Variants in CCDC125 observed in about 807,000 individuals in gnomAD.
CCDC125 encodes coiled-coil domain containing 125, also known as coiled-coil domain-containing protein 125.
A neutral mutation model predicts 57.4 loss-of-function variants in CCDC125; 43 were observed. That is an observed-to-expected ratio of 0.75 (90% CI 0.59 to 0.97). The LOEUF (loss-of-function observed/expected upper bound fraction) is 0.97, where lower values mean the gene tolerates loss of function less well. Among genes scored for constraint, CCDC125 ranks in the 50% least tolerant of loss-of-function variants. CCDC125 has a pLI of 0.00. For synonymous variants in CCDC125, 187 were observed against 195.2 expected (o/e 0.96, Z 0.35); for missense variants, 563 against 595.7 (o/e 0.95, Z 0.57).
At chr5:69,276,325 G>A (rs79535036), downstream of CCDC125, among the ~76,000 whole-genome samples, 204 of 152,212 alleles carry the variant, frequency 1.3e-3, 4 homozygotes, top group East Asian at 0.038. Context: ...TACTGTGCCC[G>A]GCCAGTCTTT....
intron 10 of CCDC125, among the ~76,000 whole-genome samples, chr5:69,290,847 C>T (rs1442342557): frequency 1.3e-5 from 2 of 151,876 alleles, no homozygotes; most frequent in African/African-American, 4.8e-5. Context: ...CCAGGCTGGT[C>T]TCAAACTCCT....
intron 1 of CCDC125, among the ~76,000 whole-genome samples, 191 bp downstream of exon 1, chr5:69,332,458 T>G (rs1277362446): frequency 6.6e-6 from 1 of 152,184 alleles, no homozygotes; most frequent in Non-Finnish European, 1.5e-5. Context: ...AGAAAAAAAG[T>G]AAAGCAGGTG....
chr5:69,279,487 T>A (rs150402619), downstream of CCDC125, among the ~76,000 whole-genome samples: 4 of 152,166 alleles, frequency 2.6e-5, no homozygotes, highest in African/African-American at 9.7e-5. Flanking sequence ...TGAGCCACCG[T>A]GCCCGGCCGC....
At chr5:69,311,804 G>A (rs1378471330) in intron 3 of CCDC125, among the ~76,000 whole-genome samples, 1 of 150,360 alleles carries the variant, frequency 6.7e-6, no homozygotes, top group African/African-American at 2.4e-5. Context: ...CGTGGTCTCA[G>A]CTCACTGCAA....
intron 7 of CCDC125, among the ~76,000 whole-genome samples, chr5:69,303,202 T>C (rs1392661678): frequency 6.6e-6 from 1 of 150,806 alleles, no homozygotes; most frequent in African/African-American, 2.4e-5. Flanking sequence ...GTTTTTCTGT[T>C]GTTGTTGTTG....
In CCDC125 at chr5:69,308,048, C is replaced by A. The variant is rs1327320402; in HGVS notation, c.454-20G>T. The A allele has an allele frequency of 6.4e-7, 1 of 1,561,740 alleles. No homozygotes were observed. Among genetic ancestry groups the A allele is most frequent in the Non-Finnish European group, 8.8e-7 (1 of 1,132,882 alleles). On this transcript the variant is annotated intron_variant, in intron 4 of 11. Transcript: ENST00000396496. ...TATTGCCTAAGAAAAATAAAACTAG[C>A]ATCAGTATAAATTAAATTTGTAATC...
downstream of CCDC125, chr5:69,277,166 G>A (rs1222695092): frequency 1.3e-6 from 2 of 1,544,080 alleles, no homozygotes; most frequent in Non-Finnish European, 1.8e-6. Context: ...TTACTACTGA[G>A]GGAAATAGCC....
chr5:69,320,763 C>T (rs941312738), intron 1 of CCDC125, among the ~76,000 whole-genome samples, 183 bp from the exon 2 acceptor site: 3 of 151,746 alleles, frequency 2.0e-5, no homozygotes, highest in Admixed American at 1.3e-4. Context: ...CAAAGATGAA[C>T]AGGTGAAGAA....
downstream of CCDC125, chr5:69,276,730 A>G (rs369918037): frequency 7.7e-6 from 12 of 1,568,370 alleles, no homozygotes; most frequent in Non-Finnish European, 9.6e-6. Flanking sequence ...ATGAATTTAG[A>G]AAACTCCAAA....
chr5:69,293,452 C>A (rs533411076), intron 9 of CCDC125, among the ~76,000 whole-genome samples: 6 of 151,916 alleles, frequency 3.9e-5, no homozygotes, highest in Non-Finnish European at 8.8e-5. Flanking sequence ...GAGTTCAAGA[C>A]CAGCCTGGCC....
chr5:69,327,837 A>C (rs571871444), intron 1 of CCDC125, among the ~76,000 whole-genome samples: 1 of 152,320 alleles, frequency 6.6e-6, no homozygotes, highest in African/African-American at 2.4e-5. Context: ...CAGAGCTCTA[A>C]AATTGTTTCT....
chr5:69,294,938 C>T (rs1400217290), intron 8 of CCDC125, 38 bp from the exon 9 acceptor site: 1 of 1,562,390 alleles, frequency 6.4e-7, no homozygotes, highest in Non-Finnish European at 8.8e-7. Context: ...TATTAAGTGT[C>T]ACACTGTTTT....
At position 69,306,803 on chromosome 5, in the gene CCDC125, A is replaced by C. The variant is rs201630962; in HGVS notation, c.617+14T>G. 3.3e-5 allele frequency: 46 copies of C among 1,401,736 alleles called. No homozygotes were observed. In the Middle Eastern group the frequency reaches 1.6e-3, roughly 48 times the overall value. 86.8% of individuals were successfully genotyped at this position (1,401,736 alleles called of 1,614,324 possible). A position where few individuals can be genotyped will look rare whatever the true frequency, so the allele number is the denominator to read the frequency against. ...AAAGGTTGTCAAAGAAAAATAATGGAGTAATATACAAACCTGTCATATTTT... is the reference window on the plus strand; with the variant it reads ...AAAGGTTGTCAAAGAAAAATAATGGCGTAATATACAAACCTGTCATATTTT... On this transcript the variant is annotated intron_variant, in intron 6 of 11. Coordinates refer to ENST00000396496, the MANE Select transcript of CCDC125 (RefSeq NM_176816.5).
chr5:69,313,622 G>C, intron 3 of CCDC125: 2 of 732,756 alleles, frequency 2.7e-6, no homozygotes, highest in Admixed American at 3.6e-5. Flanking sequence ...CGTCATAGAG[G>C]GCGTAGAGGC....
the CCDC125 span, among the ~76,000 whole-genome samples, chr5:69,274,829 T>A: frequency 6.6e-6 from 1 of 152,174 alleles, no homozygotes; most frequent in African/African-American, 2.4e-5. Flanking sequence ...TTATCGAGGC[T>A]GATCTCGAAC....
intron 8 of CCDC125, among the ~76,000 whole-genome samples, chr5:69,298,970 TA>T (rs2150401067): frequency 6.6e-6 from 1 of 152,324 alleles, no homozygotes; most frequent in Non-Finnish European, 1.5e-5. Flanking sequence ...GTGGGGATTT[TA>T]ACAGTACCCA....
At chr5:69,284,530 G>T (rs1338424165) in intron 11 of CCDC125, among the ~76,000 whole-genome samples, 1 of 152,104 alleles carries the variant, frequency 6.6e-6, no homozygotes, top group Non-Finnish European at 1.5e-5. Context: ...AACTACAGGA[G>T]CCCCCTGTTT....
intron 2 of CCDC125, among the ~76,000 whole-genome samples, chr5:69,318,765 A>G (rs752724468): frequency 1.5e-4 from 23 of 151,722 alleles, no homozygotes; most frequent in Non-Finnish European, 3.1e-4. Flanking sequence ...TAATAAATAA[A>G]TAAAAATAAA....
At chr5:69,307,672 A>T in intron 5 of CCDC125, 1 of 354,432 alleles carries the variant, frequency 2.8e-6, no homozygotes, top group South Asian at 3.1e-5. Flanking sequence ...ACAGAGCAGG[A>T]CTCCATCTCA....
Sources: gnomAD v4.1 joint callset for allele counts (sites outside exome capture counted in the v4.1 genomes callset) on GRCh38, gnomAD v4.1.1 for gene constraint, MANE v1.5 for transcripts, NCBI Gene and HGNC (gene_info 2026-07-23, HGNC 2026-07-21) for gene names.